HSPA4L: variants seen among roughly 807,000 people sequenced by gnomAD.
HSPA4L encodes the protein heat shock protein family A (Hsp70) member 4 like, also known as heat shock 70 kDa protein 4L.
Under a neutral mutation model 100.3 loss-of-function variants are expected in HSPA4L, and 48 were observed. The ratio of observed to expected loss-of-function variants is 0.48; its 90% CI spans 0.38 to 0.61. The LOEUF (loss-of-function observed/expected upper bound fraction) is 0.61. Ranked by LOEUF, HSPA4L falls within the 20% of genes least tolerant of loss-of-function variation. The pLI is 0.00. For missense variants in HSPA4L, 886 were observed against 988.6 expected (o/e 0.90, Z 1.39); for synonymous variants, 319 against 328.2 (o/e 0.97, Z 0.30).
In HSPA4L at chr4:127,822,921, G is replaced by A. The variant is rs757561713; in HGVS notation, c.1938+27G>A. 1.6e-5 allele frequency: 25 copies of A among 1,604,562 alleles called. No individual in the cohort carries two copies. In the East Asian group the frequency reaches 3.4e-4, roughly 22 times the overall value. On this transcript the variant is annotated intron_variant, in intron 15 of 18. Transcript: ENST00000296464. ...TAAGTCTAAATTCTGTTAATTTTTT[G>A]TGAGGACTATTTAAAGGTTTACTCG... is the stretch of plus-strand genomic sequence containing the variant.
chr4:127,805,158 C>G lies in HSPA4L; in HGVS notation c.1071C>G (p.Phe357Leu), dbSNP rs746127288. Residue 357 changes from phenylalanine (F) to leucine (L), a missense_variant, in exon 9 of 19, where the codon TTC (phenylalanine) becomes TTG (leucine). Coordinates refer to ENST00000296464, the MANE Select transcript of HSPA4L (RefSeq NM_014278.4). ...CAGTGAAAGAACAAATCACTAAATTCTTTCTTAAAGACATAAGTACCACAT... is the reference window on the plus strand; with the variant it reads ...CAGTGAAAGAACAAATCACTAAATTGTTTCTTAAAGACATAAGTACCACAT... The part of the protein sequence containing the change: ...IPAVKEQITK[F>L]FLKDISTTLN... 6 of 1,611,830 alleles carry G rather than the reference C, an allele frequency of 3.7e-6. No homozygotes were observed. Among genetic ancestry groups the G allele is most frequent in the Non-Finnish European group, 5.1e-6 (6 of 1,178,400 alleles).
chr4:127,795,629 C>T (rs1732997881), intron 2 of HSPA4L, 139 bp from the exon 3 acceptor site: 1 of 799,208 alleles, frequency 1.3e-6, no homozygotes, highest in Non-Finnish European at 1.9e-6. Flanking sequence ...AGTTGGAAAC[C>T]AGAAAAAATG....
chr4:127,840,690 G>T lies in HSPA4L; in HGVS notation c.*7816G>T, dbSNP rs1182014314. 8 of 152,104 alleles carry T rather than the reference G, an allele frequency of 5.3e-5. No individual in the cohort carries two copies. The highest frequency in any genetic ancestry group is 1.0e-4 in the Non-Finnish European group (7 of 68,018). 9.4% of individuals were successfully genotyped at this position (152,104 alleles called of 1,614,324 possible). A position where few individuals can be genotyped will look rare whatever the true frequency, so the allele number is the denominator to read the frequency against. On this transcript the variant is annotated 3_prime_UTR_variant, in exon 19 of 19. Coordinates refer to ENST00000296464, the MANE Select transcript of HSPA4L (RefSeq NM_014278.4). ...ATGGCAGTACACATTGTTAACAATC[G>T]TGTAATTATAATAAATATGTCTACC...
intron 1 of HSPA4L, among the ~76,000 whole-genome samples, chr4:127,790,153 G>C (rs974191357): frequency 6.6e-6 from 1 of 152,128 alleles, no homozygotes; most frequent in Non-Finnish European, 1.5e-5. Context: ...AGGAACCAGC[G>C]CTTAATGATA....
At chr4:127,813,409 G>T in intron 12 of HSPA4L, 2 of 452,320 alleles carry the variant, frequency 4.4e-6, no homozygotes, top group Admixed American at 3.7e-5. Context: ...ATCTTTCCAT[G>T]TATCATTTTG....
chr4:127,813,497 CATA>C (rs1391028970), intron 12 of HSPA4L: 6 of 239,044 alleles, frequency 2.5e-5, no homozygotes, highest in South Asian at 1.9e-4. Context: ...CATAAATTAA[CATA>C]ATAATTGGTG....
In HSPA4L at chr4:127,805,123, C is replaced by T. The variant is rs1275517334; in HGVS notation, c.1036C>T (p.Arg346Ter). 5 of 1,611,742 alleles carry T rather than the reference C, an allele frequency of 3.1e-6. No individual in the cohort carries two copies. Among genetic ancestry groups the T allele is most frequent in the Admixed American group, 1.7e-5 (1 of 59,892 alleles). Residue 346 changes from arginine to a stop codon, truncating the protein, a stop_gained, in exon 9 of 19, where the codon CGA becomes TGA. Coordinates refer to ENST00000296464, the MANE Select transcript of HSPA4L (RefSeq NM_014278.4). LOFTEE classifies it high-confidence loss of function. Reference protein sequence around the residue: ...SSIEIVGGATRIPAVKEQITK... With the variant: ...SSIEIVGGAT ...TATAGAAATTGTAGGAGGAGCAACA[C>T]GAATTCCTGCAGTGAAAGAACAAAT...
rs1578701446 is a variant in HSPA4L, at chr4:127,803,664, C to A, written c.699C>A (p.Gly233=). Residue 233 remains glycine (G), a synonymous_variant, in exon 7 of 19, where the codon GGC becomes GGA. Coordinates refer to ENST00000296464, the MANE Select transcript of HSPA4L (RefSeq NM_014278.4). ...LATTFDPYLG[G]RNFDEALVDY... ...CTACCTTTGATCCATATTTGGGTGG[C>A]AGGAACTTTGATGAGGCTTTAGTAG... 6.2e-7 allele frequency: 1 copy of A among 1,612,926 alleles called. No individual in the cohort carries two copies. The highest frequency in any genetic ancestry group is 8.5e-7 in the Non-Finnish European group (1 of 1,179,634).
At position 127,817,584 on chromosome 4, in the gene HSPA4L, T is replaced by C. The variant is rs562095275; in HGVS notation, c.1579-741T>C. On this transcript the variant is annotated intron_variant, in intron 12 of 18. Coordinates refer to ENST00000296464, the MANE Select transcript of HSPA4L (RefSeq NM_014278.4). ...GAGTTCATTTTGGAGATTTTATTGG[T>C]AGAAAGTTTGGTTTTTAGACATAAA... Among the ~76,000 whole-genome samples, 171 of 152,264 alleles carry C rather than the reference T, an allele frequency of 1.1e-3. 1 individual carries two copies. Among genetic ancestry groups the C allele is most frequent in the African/African-American group, 4.0e-3 (167 of 41,576 alleles).
intron 1 of HSPA4L, among the ~76,000 whole-genome samples, chr4:127,790,908 T>C (rs1732856915): frequency 6.6e-6 from 1 of 152,174 alleles, no homozygotes; most frequent in South Asian, 2.1e-4. Context: ...GTGGATCACT[T>C]GAGCCTAGGA....
rs976926627 is a variant in HSPA4L, at chr4:127,803,492, A to G, written c.664-137A>G. ...AGTGATAATTTAACTCTGATTCCAA[A>G]TTCAGCACCCCTGTGATTGGACAAG... On this transcript the variant is annotated intron_variant, in intron 6 of 18. Coordinates refer to ENST00000296464, the MANE Select transcript of HSPA4L (RefSeq NM_014278.4). 11 of 716,188 alleles carry G rather than the reference A, an allele frequency of 1.5e-5. No individual in the cohort carries two copies. The African/African-American group carries it at 2.0e-4, about 13-fold the overall frequency. The allele number at this position is 716,188 out of a possible 1,614,324, so 44.4% of individuals were successfully genotyped here.
intron 4 of HSPA4L, among the ~76,000 whole-genome samples, chr4:127,800,896 C>T (rs751093212): frequency 7.9e-5 from 12 of 151,932 alleles, no homozygotes; most frequent in Non-Finnish European, 1.6e-4. Context: ...AGTATTTAGA[C>T]GAATAAAACT....
At chr4:127,830,845 A>T in intron 18 of HSPA4L, 46 bp downstream of exon 18, 1 of 1,252,910 alleles carries the variant, frequency 8.0e-7, no homozygotes, top group Non-Finnish European at 1.1e-6. Context: ...CAAGTATTAA[A>T]ATTTTTAATG....
At chr4:127,793,786 G>A (rs1732941187) in intron 1 of HSPA4L, among the ~76,000 whole-genome samples, 1 of 152,092 alleles carries the variant, frequency 6.6e-6, no homozygotes, top group African/African-American at 2.4e-5. Flanking sequence ...CAACACGGTT[G>A]AGTTTTCTTT....
chr4:127,819,016 A>G (rs951268259), intron 13 of HSPA4L, among the ~76,000 whole-genome samples: 17 of 152,202 alleles, frequency 1.1e-4, no homozygotes, highest in Non-Finnish European at 1.5e-5. Context: ...ATGAATACAT[A>G]AGTTAAAATC....
intron 1 of HSPA4L, among the ~76,000 whole-genome samples, chr4:127,787,161 G>C (rs1732741661): frequency 6.6e-6 from 1 of 152,124 alleles, no homozygotes; most frequent in African/African-American, 2.4e-5. Context: ...TTTAAACACT[G>C]TTTCAGATGA....
In HSPA4L at chr4:127,795,868, A is replaced by G. The variant is rs767103769; in HGVS notation, c.266A>G (p.Tyr89Cys). The part of the protein sequence containing the change: ...IVQTERIRLP[Y>C]ELQKMPNGSA... ...CAAACTGAAAGGATCAGGCTTCCCT[A>G]TGAACTGCAGAAAATGCCTAATGGA... is the stretch of plus-strand genomic sequence containing the variant. The change falls in exon 3 of 19, where the codon TAT becomes TGT. Residue 89 changes from tyrosine (Y) to cysteine (C), a missense_variant. Tyr to Cys is a radical substitution (Grantham distance 194, BLOSUM62 -2). Transcript: ENST00000296464. 17 of 1,613,654 alleles carry G rather than the reference A, an allele frequency of 1.1e-5. No homozygotes were observed. The African/African-American group carries it at 2.0e-4, about 19-fold the overall frequency.
intron 16 of HSPA4L, 28 bp from the exon 17 acceptor site, chr4:127,827,277 C>G: frequency 6.3e-7 from 1 of 1,589,364 alleles, no homozygotes; most frequent in Non-Finnish European, 8.5e-7. Context: ...AAAAATTTTT[C>G]TTCTTTAAAA....
At chr4:127,824,861 G>C (rs1056273993) in intron 16 of HSPA4L, among the ~76,000 whole-genome samples, 1 of 152,202 alleles carries the variant, frequency 6.6e-6, no homozygotes, top group African/African-American at 2.4e-5. Flanking sequence ...ATTGGGCTGG[G>C]CGCAGTGGCT....
Sources: gnomAD v4.1 joint callset for allele counts (sites outside exome capture counted in the v4.1 genomes callset) on GRCh38, gnomAD v4.1.1 for gene constraint, MANE v1.5 for transcripts, NCBI Gene and HGNC (gene_info 2026-07-23, HGNC 2026-07-21) for gene names.